Variants in KLRD1 observed in about 807,000 individuals in gnomAD.
KLRD1 encodes the protein natural killer cells antigen CD94.
KLRD1 carries 21 observed loss-of-function variants against 22.6 expected under a neutral mutation model. That is an observed-to-expected ratio of 0.93 (90% CI 0.66 to 1.34). KLRD1 has a LOEUF of 1.34. Ranked by LOEUF, KLRD1 falls within the 40% of genes most tolerant of loss-of-function variation. The probability of loss-of-function intolerance (pLI) is 0.00; values close to 1 mark genes in which losing one functional copy is unlikely to be tolerated. For synonymous variants in KLRD1, 59 were observed against 71.1 expected, an observed-to-expected ratio of 0.83 and a Z score of 0.85; for missense variants, 183 against 208.6, an observed-to-expected ratio of 0.88 and a Z score of 0.76.
Position 10,309,671 on chromosome 12 carries a change from A to G in KLRD1, c.146A>G (p.Asn49Ser), listed in dbSNP as rs1424506832. The G allele has an allele frequency of 6.2e-7, 1 of 1,612,660 alleles. No homozygotes were observed. ...GAGCCAGCATTTACTCCAGGACCCA[A>G]CATAGAACTCCAGAAAGGTAGGTCA... ...SIEPAFTPGP[N>S]IELQKDSDCC... is the part of the protein sequence containing the mutation. The change falls in exon 3 of 6, where the codon AAC (asparagine) becomes AGC (serine). Residue 49 changes from asparagine (N) to serine (S), a missense_variant. Transcript: ENST00000336164.
chr12:10,272,232 A>G (rs11053725), intron 1 of KLRD1, among the ~76,000 whole-genome samples: 86,493 of 152,040 alleles, frequency 0.57, 27,200 homozygotes, highest in Admixed American at 0.74. Flanking sequence ...AACATATTGC[A>G]TGTATTCCTT....
chr12:10,277,922 T>C (rs1029291704), intron 1 of KLRD1, among the ~76,000 whole-genome samples: 3 of 152,180 alleles, frequency 2.0e-5, no homozygotes, highest in African/African-American at 7.2e-5. Context: ...TCCTTTCAGG[T>C]TAAATTTTGT....
chr12:10,308,276 C>T (rs1471235367), intron 1 of KLRD1, 192 bp downstream of exon 1: 5 of 580,196 alleles, frequency 8.6e-6, no homozygotes, highest in Non-Finnish European at 1.5e-5. Context: ...GACATGATTT[C>T]ATGAAGTTTT....
chr12:10,265,961 C>T (rs1193427488), intron 1 of KLRD1, among the ~76,000 whole-genome samples: 3 of 152,156 alleles, frequency 2.0e-5, no homozygotes, highest in Non-Finnish European at 4.4e-5. Context: ...GAACACCTCC[C>T]TTCATGGTCC....
rs1226806380 is a variant in KLRD1, at chr12:10,317,223, A to T, written c.*2430A>T. On this transcript the variant is annotated 3_prime_UTR_variant, in exon 6 of 6. Transcript: ENST00000336164. ...TTGGTTCCAAGTCTTTGCTATGGTA[A>T]ATAGTGCTGCAATAAACATACGTGT... The T allele has an allele frequency of 6.6e-6, 1 of 152,188 alleles. No homozygotes were observed. The highest frequency in any genetic ancestry group is 6.5e-5 in the Admixed American group (1 of 15,272). The allele number at this position is 152,188 out of a possible 1,614,324, so 9.4% of individuals were successfully genotyped here. A position where few individuals can be genotyped will look rare whatever the true frequency, so the allele number is the denominator to read the frequency against.
In KLRD1 at chr12:10,261,565, G is replaced by A. The variant is rs558132987; in HGVS notation, c.-101+35332G>A. On this transcript the variant is annotated intron_variant, in intron 1 of 5. Transcript: ENST00000544747. ...GAAGATACATGCAGGGTAGAAAAAC[G>A]TAAATCTGCTTGTATAAGCAGCTCT... Among the ~76,000 whole-genome samples, 4 of 152,136 alleles carry A rather than the reference G, an allele frequency of 2.6e-5. No individual in the cohort carries two copies. The South Asian group carries it at 6.2e-4, about 24-fold the overall frequency.
chr12:10,285,531 TATCA>T (rs1245571401), intron 1 of KLRD1, among the ~76,000 whole-genome samples: 5 of 152,230 alleles, frequency 3.3e-5, no homozygotes, highest in African/African-American at 4.8e-5. Flanking sequence ...GTCCTTTGTG[TATCA>T]ATAGTCACCA....
At chr12:10,246,174 T>A (rs961486525) in intron 1 of KLRD1, among the ~76,000 whole-genome samples, 2 of 152,220 alleles carry the variant, frequency 1.3e-5, no homozygotes, top group Non-Finnish European at 2.9e-5. Context: ...CCTCCTTTCT[T>A]GGTTCTGTGT....
At chr12:10,251,795 A>G (rs1184852364) in intron 1 of KLRD1, among the ~76,000 whole-genome samples, 2 of 152,058 alleles carry the variant, frequency 1.3e-5, no homozygotes, top group Non-Finnish European at 2.9e-5. Flanking sequence ...AGTTCACAAC[A>G]GGGTTTGTGC....
rs1460542644 is a variant in KLRD1, at chr12:10,321,691, A to T, written c.*6898A>T. On this transcript the variant is annotated 3_prime_UTR_variant, in exon 6 of 6. Coordinates refer to ENST00000336164, the MANE Select transcript of KLRD1 (RefSeq NM_002262.5). ...TCATCTGATTTGGTGGAAGCCAGCT[A>T]CCTTGTCGTGAGCAACTCTTTTAAG... is the stretch of plus-strand genomic sequence containing the variant. 5 of 152,132 alleles carry T rather than the reference A, an allele frequency of 3.3e-5. No homozygotes were observed. The highest frequency in any genetic ancestry group is 2.1e-4 in the South Asian group (1 of 4,822). The allele number at this position is 152,132 out of a possible 1,614,324, so 9.4% of individuals were successfully genotyped here. A position where few individuals can be genotyped will look rare whatever the true frequency, so the allele number is the denominator to read the frequency against.
upstream of KLRD1, among the ~76,000 whole-genome samples, chr12:10,302,686 C>T (rs75750914): frequency 6.6e-6 from 1 of 151,466 alleles, no homozygotes; most frequent in Non-Finnish European, 1.5e-5. Flanking sequence ...ATGGTCCTCA[C>T]GAGCTCAGTC....
chr12:10,283,122 C>G (rs544426603), intron 1 of KLRD1, among the ~76,000 whole-genome samples: 1 of 152,280 alleles, frequency 6.6e-6, no homozygotes, highest in African/African-American at 2.4e-5. Context: ...GAAGACAATT[C>G]AGATATGGGC....
At chr12:10,295,888 G>A (rs1208181506) in intron 1 of KLRD1, among the ~76,000 whole-genome samples, 1 of 152,074 alleles carries the variant, frequency 6.6e-6, no homozygotes, top group Non-Finnish European at 1.5e-5. Context: ...TTAGAGATAA[G>A]CAATCATAAT....
intron 1 of KLRD1, among the ~76,000 whole-genome samples, chr12:10,239,539 C>G (rs1369182759): frequency 1.8e-5 from 2 of 110,446 alleles, no homozygotes; most frequent in African/African-American, 1.1e-4. Context: ...TTCTTTCTTT[C>G]TTTCTTTCTT....
At chr12:10,309,313 A>G (rs1949998062) in intron 1 of KLRD1, 75 bp from the exon 2 acceptor site, 1 of 734,200 alleles carries the variant, frequency 1.4e-6, no homozygotes. Flanking sequence ...ATTCTCCGTC[A>G]CTAGTTTCTG....
At chr12:10,285,604 T>G (rs574543785) in intron 1 of KLRD1, among the ~76,000 whole-genome samples, 2 of 152,346 alleles carry the variant, frequency 1.3e-5, no homozygotes, top group South Asian at 4.1e-4. Flanking sequence ...TAAAGTTGTT[T>G]TTTTTGTGTG....
At chr12:10,307,258 T>G (rs117229240), upstream of KLRD1, among the ~76,000 whole-genome samples, 75 of 152,344 alleles carry the variant, frequency 4.9e-4, 2 homozygotes, top group East Asian at 0.014. Context: ...AAGTCGTGCT[T>G]AAAGAACTTT....
chr12:10,314,898 A>AAAT lies in KLRD1; in HGVS notation c.*106_*108dup. The AAAT allele has an allele frequency of 9.0e-7, 1 of 1,110,966 alleles. No individual in the cohort carries two copies. The highest frequency in any genetic ancestry group is 1.5e-5 in the South Asian group (1 of 64,840). The allele number at this position is 1,110,966 out of a possible 1,614,324, so 68.8% of individuals were successfully genotyped here. A position where few individuals can be genotyped will look rare whatever the true frequency, so the allele number is the denominator to read the frequency against. The stretch of plus-strand genomic sequence containing the variant: ...TAATTGTCTACTTCTGGAGTCTATA[A>AAAT]AATGTTTTTAAACAGTGTCATATAC... On this transcript the variant is annotated 3_prime_UTR_variant, in exon 6 of 6. Coordinates refer to ENST00000336164, the MANE Select transcript of KLRD1 (RefSeq NM_002262.5).
chr12:10,250,246 G>GTA, intron 1 of KLRD1, among the ~76,000 whole-genome samples: 2 of 98,210 alleles, frequency 2.0e-5, no homozygotes, highest in African/African-American at 7.7e-5. Flanking sequence ...TGTTATGAGT[G>GTA]CTGGAAACCA....
Sources: gnomAD v4.1 joint callset for allele counts (sites outside exome capture counted in the v4.1 genomes callset) on GRCh38, gnomAD v4.1.1 for gene constraint, MANE v1.5 for transcripts, NCBI Gene and HGNC (gene_info 2026-07-23, HGNC 2026-07-21) for gene names.